The following FHAD1 variants were observed in gnomAD, a reference collection of about 807,000 sequenced individuals.
FHAD1 encodes the protein forkhead-associated domain-containing protein 1.
In FHAD1, 146 loss-of-function variants were observed where a neutral mutation model predicts 191.3. That is an observed-to-expected ratio of 0.76 (90% CI 0.67 to 0.88). The LOEUF (loss-of-function observed/expected upper bound fraction) is 0.88. Ranked by LOEUF, FHAD1 falls within the 40% of genes least tolerant of loss-of-function variation. FHAD1 has a pLI of 0.00. For missense variants in FHAD1, 1,635 were observed against 1,785.8 expected (o/e 0.92, Z 1.52); for synonymous variants, 616 against 672.3 (o/e 0.92, Z 1.29).
upstream of FHAD1, among the ~76,000 whole-genome samples, chr1:15,244,688 G>C (rs539875388): frequency 6.6e-6 from 1 of 152,286 alleles, no homozygotes; most frequent in South Asian, 2.1e-4. The surrounding 1 kb of genome is among the most constrained non-coding windows in gnomAD (Gnocchi z 5.1). Context: ...CTAGGGACTG[G>C]TGGCACAGCA....
At chr1:15,281,989 A>G (rs1660785038) in intron 3 of FHAD1, among the ~76,000 whole-genome samples, 1 of 152,038 alleles carries the variant, frequency 6.6e-6, no homozygotes, top group Non-Finnish European at 1.5e-5. Flanking sequence ...TTTATTTTGT[A>G]GCTCATATTG....
At chr1:15,264,081 C>T (rs531252840) in intron 2 of FHAD1, among the ~76,000 whole-genome samples, 3 of 152,086 alleles carry the variant, frequency 2.0e-5, no homozygotes, top group African/African-American at 7.2e-5. Flanking sequence ...TCCAACTGTT[C>T]TTCTTTTTCA....
At chr1:15,264,586 G>A (rs567799948) in intron 2 of FHAD1, among the ~76,000 whole-genome samples, 7 of 144,946 alleles carry the variant, frequency 4.8e-5, no homozygotes, top group African/African-American at 1.7e-4. Flanking sequence ...GTGATCTTTA[G>A]GGCTTTCTAC....
intron 24 of FHAD1, among the ~76,000 whole-genome samples, chr1:15,367,218 A>G (rs368116936): frequency 2.0e-5 from 3 of 152,248 alleles, no homozygotes; most frequent in South Asian, 4.2e-4. Flanking sequence ...AAGGATGCTA[A>G]TAGTAGCTAC....
chr1:15,329,457 G>T lies in FHAD1; in HGVS notation c.1822G>T (p.Val608Phe). ...GGGGCTCCAGAAGGTGGTGCTGGAC[G>T]TCCTGAGGCACGCGCTGTCCTGGCT... Reference protein sequence around the residue: ...VSGLQKVVLDVLRHALSWLEE... With the variant: ...VSGLQKVVLDFLRHALSWLEE... Residue 608 changes from valine to phenylalanine, a missense_variant, in exon 14 of 34, where the codon GTC becomes TTC. By Grantham distance (50) the Val-to-Phe change is conservative (BLOSUM62 -1). Transcript: ENST00000688493. This position sits in a 1 kb window ranked among gnomAD's most constrained non-coding sequence, Gnocchi z 5.0. The T allele has an allele frequency of 6.4e-7, 1 of 1,551,312 alleles. No homozygotes were observed. Among genetic ancestry groups the T allele is most frequent in the Admixed American group, 2.0e-5 (1 of 51,012 alleles).
At chr1:15,259,166 G>C (rs1242209086) in intron 2 of FHAD1, among the ~76,000 whole-genome samples, 1 of 152,078 alleles carries the variant, frequency 6.6e-6, no homozygotes, top group Non-Finnish European at 1.5e-5. Context: ...ACACATTGCT[G>C]TCTCAGCTCA....
At chr1:15,305,197 C>T (rs74487896) in intron 6 of FHAD1, among the ~76,000 whole-genome samples, 1 of 152,314 alleles carries the variant, frequency 6.6e-6, no homozygotes, top group African/African-American at 2.4e-5. Flanking sequence ...GGGAGCCAGG[C>T]ATGGTCTATG....
chr1:15,294,973 G>T (rs1386955786), intron 4 of FHAD1, among the ~76,000 whole-genome samples: 1 of 152,128 alleles, frequency 6.6e-6, no homozygotes. Context: ...GAAATGCGTG[G>T]GGTGATTTTT....
At position 15,381,559 on chromosome 1, in the gene FHAD1, C is replaced by G; in HGVS notation, c.4022+108C>G. 1 of 813,686 alleles carries G rather than the reference C, an allele frequency of 1.2e-6. No individual in the cohort carries two copies. Among genetic ancestry groups the G allele is most frequent in the Non-Finnish European group, 2.0e-6 (1 of 508,820 alleles). 50.4% of individuals were successfully genotyped at this position (813,686 alleles called of 1,614,324 possible). A position where few individuals can be genotyped will look rare whatever the true frequency, so the allele number is the denominator to read the frequency against. On this transcript the variant is annotated intron_variant, in intron 30 of 33. Coordinates refer to ENST00000688493, the MANE Select transcript of FHAD1 (RefSeq NM_001391957.1). The surrounding 1 kb of genome is among the most constrained non-coding windows in gnomAD (Gnocchi z 4.6). ...GGCCTGGGACAGGAGGACAGAGACC[C>G]ACGTGTGGAATACCTGCAATGTCAG...
chr1:15,389,464 A>AAAAAAC (rs1458868641), intron 32 of FHAD1, among the ~76,000 whole-genome samples: 1 of 151,190 alleles, frequency 6.6e-6, no homozygotes, highest in Non-Finnish European at 1.5e-5. Flanking sequence ...AAAAAAAAAA[A>AAAAAAC]AAAACCTGCT....
intron 10 of FHAD1, among the ~76,000 whole-genome samples, chr1:15,321,023 C>T (rs1676074568): frequency 6.6e-6 from 1 of 152,204 alleles, no homozygotes; most frequent in Non-Finnish European, 1.5e-5. Flanking sequence ...CAACCTCCAC[C>T]TCCTGGGTTC....
In FHAD1 at chr1:15,296,807, C is replaced by T; in HGVS notation, c.678+14C>T. ...CAGCAGGACAAGGTGAGGGAGGGGT[C>T]TGGGGAAGGGTGGAGCTGCAGCAGC... On this transcript the variant is annotated intron_variant, in intron 5 of 33. Transcript: ENST00000688493. The T allele has an allele frequency of 6.5e-7, 1 of 1,546,576 alleles. No homozygotes were observed. Among genetic ancestry groups the T allele is most frequent in the Non-Finnish European group, 8.7e-7 (1 of 1,142,906 alleles).
At chr1:15,238,550 C>T (rs370943590) in intron 1 of FHAD1, among the ~76,000 whole-genome samples, 25 of 152,310 alleles carry the variant, frequency 1.6e-4, no homozygotes, top group East Asian at 1.2e-3. Context: ...AAAAGAGCCA[C>T]CATAAGTCAA....
intron 31 of FHAD1, chr1:15,383,451 C>T: frequency 2.9e-6 from 1 of 349,828 alleles, no homozygotes; most frequent in South Asian, 2.1e-5. Flanking sequence ...GAAAGTTTCC[C>T]CAAAGCAAGT....
intron 15 of FHAD1, among the ~76,000 whole-genome samples, chr1:15,340,292 A>G (rs72866703): frequency 1.8e-4 from 28 of 152,362 alleles, no homozygotes; most frequent in African/African-American, 6.5e-4. Flanking sequence ...GTATTATATA[A>G]TAAACAACCA....
Position 15,272,354 on chromosome 1 carries a change from T to C in FHAD1, c.125T>C (p.Ile42Thr), listed in dbSNP as rs1422227724. The change falls in exon 3 of 34, where the codon ATT becomes ACT. Residue 42 changes from isoleucine to threonine, a missense_variant. Coordinates refer to ENST00000688493, the MANE Select transcript of FHAD1 (RefSeq NM_001391957.1). ...SPDIDNHHAL[I>T]EYNEAECSFV... ...GACATCGACAACCACCATGCACTCA[T>C]TGAATATAACGAGGCGGAGTGCAGC... 6.4e-7 allele frequency: 1 copy of C among 1,551,724 alleles called. No homozygotes were observed. The highest frequency in any genetic ancestry group is 8.7e-7 in the Non-Finnish European group (1 of 1,146,994).
At chr1:15,385,219 T>C (rs1701847865) in intron 31 of FHAD1, among the ~76,000 whole-genome samples, 1 of 151,746 alleles carries the variant, frequency 6.6e-6, no homozygotes, top group South Asian at 2.1e-4. Flanking sequence ...AAAGGGAACC[T>C]GTATACATCT....
At chr1:15,279,334 A>C (rs1252164919) in intron 3 of FHAD1, among the ~76,000 whole-genome samples, 2 of 152,174 alleles carry the variant, frequency 1.3e-5, no homozygotes, top group Non-Finnish European at 2.9e-5. Flanking sequence ...AAGGAGAAGA[A>C]GAAGTAGCTG....
chr1:15,390,050 A>G (rs1703495956), intron 32 of FHAD1, among the ~76,000 whole-genome samples: 1 of 152,182 alleles, frequency 6.6e-6, no homozygotes, highest in Admixed American at 6.5e-5. Context: ...TCCATTTCAG[A>G]ATAAGGTGCT....
Sources: gnomAD v4.1 joint callset for allele counts (sites outside exome capture counted in the v4.1 genomes callset) on GRCh38, gnomAD v4.1.1 for gene constraint, Gnocchi (gnomAD v3.1) non-coding constraint, MANE v1.5 for transcripts, NCBI Gene and HGNC (gene_info 2026-07-23, HGNC 2026-07-21) for gene names.